Variants in POU2F2 observed in about 807,000 individuals in gnomAD.
The protein encoded by POU2F2 is POU domain, class 2, transcription factor 2.
Under a neutral mutation model 63.5 loss-of-function variants are expected in POU2F2, and 14 were observed. The ratio of observed to expected loss-of-function variants is 0.22; its 90% confidence interval spans 0.15 to 0.34. The LOEUF is 0.34. Ranked by LOEUF, POU2F2 falls within the 10% of genes least tolerant of loss-of-function variation. The pLI is 1.00. For missense variants in POU2F2, 607 were observed against 815.2 expected, an observed-to-expected ratio of 0.74 and a Z score of 3.11; for synonymous variants, 306 against 348.6, an observed-to-expected ratio of 0.88 and a Z score of 1.36.
chr19:42,112,303 G>C (rs912483926), intron 5 of POU2F2, among the ~76,000 whole-genome samples: 3 of 152,208 alleles, frequency 2.0e-5, no homozygotes, highest in Admixed American at 1.3e-4. Context: ...ACGAGGTCCA[G>C]GTAGGGCTGA....
intron 1 of POU2F2, 75 bp downstream of exon 1, chr19:42,132,309 C>A: frequency 6.6e-7 from 1 of 1,517,658 alleles, no homozygotes. Context: ...GGAGGAGGGG[C>A]AGGCAGGGCC....
At chr19:42,157,117 A>C (rs1162371173) in intron 2 of POU2F2, 1 of 152,216 alleles carries the variant, frequency 6.6e-6, no homozygotes, top group Non-Finnish European at 1.5e-5. Flanking sequence ...AGGGCACCAG[A>C]TACCCAGGGG....
At chr19:42,091,777 AG>A in intron 14 of POU2F2, 89 bp downstream of exon 14, 1 of 1,547,094 alleles carries the variant, frequency 6.5e-7, no homozygotes, top group Non-Finnish European at 8.7e-7. Context: ...GAGCAGGGGC[AG>A]GATGGCATGG....
intron 2 of POU2F2, among the ~76,000 whole-genome samples, chr19:42,144,528 C>T (rs1401949037): frequency 6.6e-6 from 1 of 152,246 alleles, no homozygotes; most frequent in African/African-American, 2.4e-5. Flanking sequence ...CTGTGCCAGA[C>T]CTTGTGCCAG....
At chr19:42,124,782 A>G (rs1400577083) in intron 1 of POU2F2, among the ~76,000 whole-genome samples, 1 of 152,254 alleles carries the variant, frequency 6.6e-6, no homozygotes, top group African/African-American at 2.4e-5. Flanking sequence ...GCTTGGAGAC[A>G]TGAGGCTGAA....
At chr19:42,166,653 A>G (rs1282897843) in intron 1 of POU2F2, among the ~76,000 whole-genome samples, 2 of 152,072 alleles carry the variant, frequency 1.3e-5, no homozygotes, top group East Asian at 1.9e-4. Flanking sequence ...AGCAGATCTG[A>G]CAATGGGAGT....
chr19:42,174,016 A>T (rs1203289611), intron 1 of POU2F2, among the ~76,000 whole-genome samples: 1 of 152,090 alleles, frequency 6.6e-6, no homozygotes, highest in South Asian at 2.1e-4. Context: ...GAAGCTTTTC[A>T]TGGGCTGATA....
intron 1 of POU2F2, among the ~76,000 whole-genome samples, chr19:42,170,191 C>A (rs546867264): frequency 6.6e-6 from 1 of 152,106 alleles, no homozygotes; most frequent in African/African-American, 2.4e-5. Flanking sequence ...AGATGCCCCC[C>A]TCATCCTGGT....
intron 1 of POU2F2, among the ~76,000 whole-genome samples, chr19:42,170,949 A>G (rs1309143579): frequency 6.6e-6 from 1 of 152,254 alleles, no homozygotes; most frequent in Non-Finnish European, 1.5e-5. Flanking sequence ...CTGACCAGCC[A>G]TCTCGGCCAT....
chr19:42,166,635 A>G (rs143029832), intron 1 of POU2F2, among the ~76,000 whole-genome samples: 1 of 152,210 alleles, frequency 6.6e-6, no homozygotes, highest in African/African-American at 2.4e-5. Flanking sequence ...AGTGTGCGTC[A>G]GGGGGTGAGC....
chr19:42,179,400 G>C, upstream of POU2F2, among the ~76,000 whole-genome samples: 1 of 152,122 alleles, frequency 6.6e-6, no homozygotes, highest in East Asian at 1.9e-4. Flanking sequence ...GTGGGCACAG[G>C]GTCTTGGGAG....
intron 1 of POU2F2, among the ~76,000 whole-genome samples, chr19:42,171,688 T>G (rs2034772748): frequency 6.6e-6 from 1 of 152,198 alleles, no homozygotes; most frequent in Admixed American, 6.5e-5. Flanking sequence ...GGATTAAGTC[T>G]GTGAATGCCA....
intron 5 of POU2F2, among the ~76,000 whole-genome samples, chr19:42,107,081 C>T (rs895270063): frequency 3.3e-5 from 5 of 151,972 alleles, no homozygotes; most frequent in African/African-American, 1.2e-4. Context: ...GGTGCGGTGG[C>T]TCATGCCTGT....
In POU2F2 at chr19:42,099,732, G is replaced by A. The variant is rs1439357909; in HGVS notation, c.459C>T (p.Ala153=). 6.3e-7 allele frequency: 1 copy of A among 1,594,036 alleles called. No individual in the cohort carries two copies. Among genetic ancestry groups the A allele is most frequent in the Non-Finnish European group, 8.6e-7 (1 of 1,169,322 alleles). Reference sequence around the variant, plus strand: ...GGGCCTTACCTGGCTGGCTCTGCTGGGCCTGCGGTAGCAGGAACTGAGCAG... The same window carrying A: ...GGGCCTTACCTGGCTGGCTCTGCTGAGCCTGCGGTAGCAGGAACTGAGCAG... ...QPPAQFLLPQ[A]QQSQPGLLPT... The change falls in exon 6 of 15, where the codon GCC becomes GCT. Residue 153 remains alanine (A), a synonymous_variant. Coordinates refer to ENST00000692977, the MANE Select transcript of POU2F2 (RefSeq NM_001394376.1).
At chr19:42,105,996 CTTTTTTCTTTCT>C (rs1485448242) in intron 5 of POU2F2, among the ~76,000 whole-genome samples, 18 of 134,116 alleles carry the variant, frequency 1.3e-4, no homozygotes, top group African/African-American at 3.3e-4. Flanking sequence ...TAGGATCTTT[CTTTTTTCTTTCT>C]TTCTTTCTTT....
intron 5 of POU2F2, among the ~76,000 whole-genome samples, chr19:42,114,395 G>C (rs2031573480): frequency 6.6e-6 from 1 of 152,162 alleles, no homozygotes; most frequent in Non-Finnish European, 1.5e-5. Context: ...CTGGGGCTCA[G>C]ATGAAGAGGA....
upstream of POU2F2, among the ~76,000 whole-genome samples, chr19:42,178,198 C>A (rs2034918985): frequency 6.6e-6 from 1 of 151,458 alleles, no homozygotes; most frequent in African/African-American, 2.4e-5. Flanking sequence ...CACCAAGAAC[C>A]ACAGAGACAC....
chr19:42,103,667 C>T (rs777319879), intron 5 of POU2F2, among the ~76,000 whole-genome samples: 1 of 115,036 alleles, frequency 8.7e-6, no homozygotes, highest in East Asian at 2.8e-4. Flanking sequence ...GAGTCTCACT[C>T]TGTTGCCCAG....
intron 2 of POU2F2, among the ~76,000 whole-genome samples, chr19:42,150,809 G>A (rs1486281197): frequency 6.6e-6 from 1 of 152,150 alleles, no homozygotes; most frequent in Admixed American, 6.5e-5. Flanking sequence ...GCCGGGTGGG[G>A]GTGGGGTGGG....
Sources: allele counts gnomAD v4.1 joint callset (sites outside exome capture counted in the v4.1 genomes callset), GRCh38; gene constraint gnomAD v4.1.1; transcripts MANE v1.5; gene names NCBI Gene and HGNC (gene_info 2026-07-23, HGNC 2026-07-21).